Variants in MAP3K19 observed in about 807,000 individuals in gnomAD.
The protein encoded by MAP3K19 is SPS1/STE20-related protein kinase YSK4.
A neutral mutation model predicts 114.4 loss-of-function variants in MAP3K19; 91 were observed. That is an observed-to-expected ratio of 0.80 (90% CI 0.67 to 0.95). The LOEUF (loss-of-function observed/expected upper bound fraction) is 0.95, where lower values mean the gene tolerates loss of function less well. Ranked by LOEUF, MAP3K19 falls within the 40% of genes least tolerant of loss-of-function variation. The pLI is 0.00. For missense variants in MAP3K19, 1,471 were observed against 1,573.2 expected (o/e 0.94, Z 1.10); for synonymous variants, 518 against 530.5 (o/e 0.98, Z 0.32).
At chr2:134,978,625 C>T (rs1345716259) in intron 12 of MAP3K19, among the ~76,000 whole-genome samples, 2 of 152,216 alleles carry the variant, frequency 1.3e-5, no homozygotes, top group African/African-American at 4.8e-5. Flanking sequence ...TCTTCTCTCA[C>T]AACTGTGATT....
At chr2:135,019,250 T>C (rs1205340975) in intron 5 of MAP3K19, among the ~76,000 whole-genome samples, 1 of 152,180 alleles carries the variant, frequency 6.6e-6, no homozygotes, top group African/African-American at 2.4e-5. Flanking sequence ...TGTTGTTTTT[T>C]ATCAAAATTT....
chr2:134,998,413 G>A (rs1686182213), intron 8 of MAP3K19, among the ~76,000 whole-genome samples: 1 of 152,140 alleles, frequency 6.6e-6, no homozygotes, highest in Admixed American at 6.5e-5. Flanking sequence ...TGTCTGAAAT[G>A]TTTAAAGAAA....
intron 3 of MAP3K19, among the ~76,000 whole-genome samples, chr2:135,028,310 C>A (rs1373525047): frequency 6.6e-6 from 1 of 152,106 alleles, no homozygotes; most frequent in East Asian, 1.9e-4. Context: ...AATCCCAGCA[C>A]TTTAGAAGGC....
intron 5 of MAP3K19, among the ~76,000 whole-genome samples, chr2:135,015,089 A>G (rs970247747): frequency 1.2e-4 from 19 of 152,200 alleles, no homozygotes; most frequent in Non-Finnish European, 2.8e-4. Flanking sequence ...ATTATGGAGT[A>G]TGCATATATT....
In MAP3K19 at chr2:134,987,582, T is replaced by C. The variant is rs758617197; in HGVS notation, c.1290A>G (p.Pro430=). The change falls in exon 10 of 13, where the codon CCA becomes CCG. Residue 430 remains proline, a synonymous_variant. Coordinates refer to ENST00000392915, the MANE Select transcript of MAP3K19 (RefSeq NM_025052.5). ...VSLHKNEAME[P]NNILEECTVL... ...CAGTACACTCTTCTAAAATATTGTTTGGTTCCATTGCTTCATTTTTATGTA... is the reference window on the plus strand; with the variant it reads ...CAGTACACTCTTCTAAAATATTGTTCGGTTCCATTGCTTCATTTTTATGTA... 1 of 1,614,148 alleles carries C rather than the reference T, an allele frequency of 6.2e-7. No homozygotes were observed. The highest frequency in any genetic ancestry group is 1.1e-5 in the South Asian group (1 of 91,084).
At chr2:135,020,633 C>A (rs1687904660) in intron 5 of MAP3K19, among the ~76,000 whole-genome samples, 1 of 152,182 alleles carries the variant, frequency 6.6e-6, no homozygotes. Context: ...CAAATCTAAT[C>A]TTGAATTGTA....
Position 134,983,791 on chromosome 2 carries a change from T to C in MAP3K19, c.3107A>G (p.Glu1036Gly). Residue 1036 changes from glutamate to glycine, a missense_variant, in exon 11 of 13, where the codon GAG becomes GGG. Glu to Gly is a moderately conservative substitution (Grantham distance 98). Transcript: ENST00000392915. ...TTCATTTGAGATGAGAAATTTCTCC[T>C]CCCTGTCATATATCCTGAGCCCACT... ...HSSGLRIYDR[E>G]EKFLISNEKK... 1 of 1,604,196 alleles carries C rather than the reference T, an allele frequency of 6.2e-7. No individual in the cohort carries two copies. Among genetic ancestry groups the C allele is most frequent in the Non-Finnish European group, 8.5e-7 (1 of 1,175,824 alleles).
chr2:134,999,993 A>G lies in MAP3K19; in HGVS notation c.258T>C (p.Phe86=), dbSNP rs1205422428. 1 of 1,611,520 alleles carries G rather than the reference A, an allele frequency of 6.2e-7. No homozygotes were observed. ...RTEGVEITVT[F]PRDVSPPQEM... is the part of the protein sequence containing the mutation. ...CTTGGGGAGGACTGACATCTCTTGG[A>G]AAAGTTACAGTGATCTCAACACCTG... The change falls in exon 7 of 13, where the codon TTT becomes TTC. Residue 86 remains phenylalanine (F), a synonymous_variant. Coordinates refer to ENST00000392915, the MANE Select transcript of MAP3K19 (RefSeq NM_025052.5). This position sits in a 1 kb window ranked among gnomAD's most constrained non-coding sequence, Gnocchi z 4.1.
chr2:134,999,911 C>T lies in MAP3K19; in HGVS notation c.314+26G>A, dbSNP rs1036420522. ...CATTGCTTCATACTTCATTTCAAAT[C>T]TGATACTTCAAAGAATATTCCTTAC... On this transcript the variant is annotated intron_variant, in intron 7 of 12. Coordinates refer to ENST00000392915, the MANE Select transcript of MAP3K19 (RefSeq NM_025052.5). The surrounding 1 kb of genome is among the most constrained non-coding windows in gnomAD (Gnocchi z 4.1). 6.9e-7 allele frequency: 1 copy of T among 1,459,662 alleles called. No homozygotes were observed. The highest frequency in any genetic ancestry group is 9.6e-7 in the Non-Finnish European group (1 of 1,039,752). The allele number at this position is 1,459,662 out of a possible 1,614,324, so 90.4% of individuals were successfully genotyped here.
At chr2:135,013,370 C>T (rs10201646) in intron 5 of MAP3K19, among the ~76,000 whole-genome samples, 38,044 of 151,498 alleles carry the variant, frequency 0.25, 5,960 homozygotes, top group African/African-American at 0.41. Context: ...CCCATATACC[C>T]CCTGCTCCCA....
intron 6 of MAP3K19, among the ~76,000 whole-genome samples, chr2:135,000,988 T>C (rs1372053532): frequency 1.3e-5 from 2 of 152,178 alleles, no homozygotes; most frequent in Non-Finnish European, 2.9e-5. Flanking sequence ...ATAGCTATCA[T>C]CATTATCTAA....
rs140763049 is a variant in MAP3K19 at position 134,987,415 on chromosome 2, T to A, written c.1457A>T (p.His486Leu). The A allele has an allele frequency of 3.3e-5, 53 of 1,614,112 alleles. No homozygotes were observed. In the African/African-American group the frequency reaches 6.8e-4, roughly 21 times the overall value. The change falls in exon 10 of 13, where the codon CAC (histidine) becomes CTC (leucine). Residue 486 changes from histidine (H) to leucine (L), a missense_variant. By Grantham distance (99) the His-to-Leu change is moderately conservative. Coordinates refer to ENST00000392915, the MANE Select transcript of MAP3K19 (RefSeq NM_025052.5). ...PEMSRMVPLI[H>L]ITFPVDGSPK... ...GCTTCCATCCACAGGGAAGGTGATG[T>A]GGATAAGAGGCACCATCCTACTCAT...
intron 1 of MAP3K19, among the ~76,000 whole-genome samples, chr2:135,046,698 T>C (rs1033107021): frequency 9.9e-5 from 15 of 152,262 alleles, no homozygotes; most frequent in African/African-American, 3.6e-4. Context: ...GGTTTATCTA[T>C]TTGTAAAACC....
rs1175248497 is a variant in MAP3K19 at position 134,998,843 on chromosome 2, A to G, written c.469T>C (p.Leu157=). Residue 157 remains leucine, a synonymous_variant, in exon 8 of 13, where the codon TTG becomes CTG. Transcript: ENST00000392915. ...CAAGATCTTGGTAGCAAAAAGCCCA[A>G]GTTCACATTGCAGAGCTCCCTGGAA... The part of the protein sequence containing the change: ...ESSRELCNVN[L]GFLLPRSCLE... The G allele has an allele frequency of 9.3e-6, 15 of 1,614,100 alleles. No individual in the cohort carries two copies. In the African/African-American group the frequency reaches 1.7e-4, roughly 19 times the overall value.
At position 135,013,283 on chromosome 2, in the gene MAP3K19, G is replaced by A. The variant is rs1235282576; in HGVS notation, c.139-7752C>T. ...TGCAGTGAGCCAAGATCGCGCTCCAGCCTGGGCGACAGAGTAAGAGTCCGT... is the reference window on the plus strand; with the variant it reads ...TGCAGTGAGCCAAGATCGCGCTCCAACCTGGGCGACAGAGTAAGAGTCCGT... On this transcript the variant is annotated intron_variant, in intron 5 of 12. Coordinates refer to ENST00000392915, the MANE Select transcript of MAP3K19 (RefSeq NM_025052.5). Among the ~76,000 whole-genome samples the A allele has an allele frequency of 1.1e-4, 17 of 150,914 alleles. No individual in the cohort carries two copies. The Admixed American group carries it at 1.1e-3, about 10-fold the overall frequency.
At position 134,967,394 on chromosome 2, in the gene MAP3K19, A is replaced by G. The variant is rs150639676; in HGVS notation, c.3921-2478T>C. On this transcript the variant is annotated intron_variant, in intron 12 of 12. Coordinates refer to ENST00000392915, the MANE Select transcript of MAP3K19 (RefSeq NM_025052.5). Reference sequence around the variant, plus strand: ...CAAAGAGGAAATCCTCTTGCAGTTGAGAGAGAGGAAGGCCGCTGCATCCTG... The same window carrying G: ...CAAAGAGGAAATCCTCTTGCAGTTGGGAGAGAGGAAGGCCGCTGCATCCTG... Among the ~76,000 whole-genome samples, 255 of 152,306 alleles carry G rather than the reference A, an allele frequency of 1.7e-3. 3 individuals carry two copies. In the East Asian group the frequency reaches 0.044, roughly 26 times the overall value.
rs148040063 is a variant in MAP3K19, at chr2:134,999,951, G to C, written c.300C>G (p.Asp100Glu). 1.6e-4 allele frequency: 258 copies of C among 1,607,586 alleles called. 1 individual carries two copies. The East Asian group carries it at 5.6e-3, about 35-fold the overall frequency. Residue 100 changes from aspartate (D) to glutamate (E), a missense_variant, in exon 7 of 13, where the codon GAC becomes GAG. Physicochemically the swap from Asp to Glu is conservative, Grantham distance 45 (BLOSUM62 2). Coordinates refer to ENST00000392915, the MANE Select transcript of MAP3K19 (RefSeq NM_025052.5). The surrounding 1 kb of genome is among the most constrained non-coding windows in gnomAD (Gnocchi z 4.1). ...VSPPQEMSQE[D>E]LKEKNLINSS... The stretch of plus-strand genomic sequence containing the variant: ...ATATTCCTTACTTCTTTTCTTTTAA[G>C]TCTTCTTGGCTCATTTCTTGGGGAG...
Position 135,032,379 on chromosome 2 carries a change from G to C in MAP3K19, c.-283-1879C>G, listed in dbSNP as rs542722170. 9.8e-3 allele frequency among the ~76,000 whole-genome samples: 1,379 copies of C among 140,826 alleles called. 19 individuals carry two copies. The highest frequency in any genetic ancestry group is 0.013 in the Non-Finnish European group (854 of 64,662). The allele number at this position is 140,826 out of a possible 152,430, so 92.4% of individuals were successfully genotyped here. A position where few individuals can be genotyped will look rare whatever the true frequency, so the allele number is the denominator to read the frequency against. On this transcript the variant is annotated intron_variant, in intron 2 of 12. Transcript: ENST00000392915. ...CTGAAAAAAAAAAAAAAAAAGAAAA[G>C]AAAAGAAAAACAGTCTGTCAGTTCC...
At chr2:135,027,436 G>A (rs1425840803) in intron 3 of MAP3K19, among the ~76,000 whole-genome samples, 3 of 151,854 alleles carry the variant, frequency 2.0e-5, no homozygotes, top group Non-Finnish European at 4.4e-5. Context: ...GGGAGGGAAA[G>A]GGTAAAAAAG....
Sources: gnomAD v4.1 joint callset for allele counts (sites outside exome capture counted in the v4.1 genomes callset) on GRCh38, gnomAD v4.1.1 for gene constraint, Gnocchi (gnomAD v3.1) non-coding constraint, MANE v1.5 for transcripts, NCBI Gene and HGNC (gene_info 2026-07-23, HGNC 2026-07-21) for gene names.